Variants in HIVEP3 observed in about 807,000 individuals in gnomAD.
The protein encoded by HIVEP3 is transcription factor HIVEP3.
Under a neutral mutation model 152.8 loss-of-function variants are expected in HIVEP3, and 49 were observed. The observed-to-expected ratio is 0.32, with a 90% confidence interval of 0.26 to 0.41. The LOEUF (loss-of-function observed/expected upper bound fraction) is 0.41. HIVEP3 is among the 10% of genes least tolerant of loss of function. The pLI is 1.00. For synonymous variants in HIVEP3, 1,269 were observed against 1,289.0 expected, an observed-to-expected ratio of 0.98 and a Z score of 0.33; for missense variants, 2,790 against 3,103.3, an observed-to-expected ratio of 0.90 and a Z score of 2.40.
rs771982901 is a variant in HIVEP3, at chr1:41,581,351, C to T, written c.3447G>A (p.Gln1149=). 5.0e-6 allele frequency: 8 copies of T among 1,613,558 alleles called. No homozygotes were observed. Among genetic ancestry groups the T allele is most frequent in the Non-Finnish European group, 5.9e-6 (7 of 1,179,844 alleles). ...LPPPVSLFSF[Q]HLVQHEPGQS... Reference sequence around the variant, plus strand: ...GTCCTGGCTCATGCTGCACGAGATGCTGGAAGGAGAAAAGGGAGACTGGTG... The same window carrying T: ...GTCCTGGCTCATGCTGCACGAGATGTTGGAAGGAGAAAAGGGAGACTGGTG... Residue 1149 remains glutamine, a synonymous_variant, in exon 4 of 9, where the codon CAG becomes CAA. Coordinates refer to ENST00000372583, the MANE Select transcript of HIVEP3 (RefSeq NM_024503.5). This position sits in a 1 kb window ranked among gnomAD's most constrained non-coding sequence, Gnocchi z 4.5.
In HIVEP3 at chr1:41,583,065, T is replaced by A. The variant is rs1251881947; in HGVS notation, c.1733A>T (p.His578Leu). 6.2e-7 allele frequency: 1 copy of A among 1,613,754 alleles called. No homozygotes were observed. The highest frequency in any genetic ancestry group is 8.5e-7 in the Non-Finnish European group (1 of 1,179,852). Residue 578 changes from histidine (H) to leucine (L), a missense_variant, in exon 4 of 9, where the codon CAC (histidine) becomes CTC (leucine). His to Leu is a moderately conservative substitution (Grantham distance 99). Around this residue, in one of 9 missense-constraint regions of HIVEP3, gnomAD observed 339 missense variants for 327.0 expected, o/e 1.04. Transcript: ENST00000372583. This position sits in a 1 kb window ranked among gnomAD's most constrained non-coding sequence, Gnocchi z 6.9. ...CATCCGGGGGTGGGAGGTAAACACG[T>A]GACTGCTGTGGCTCAGGGCTTCGGA... The part of the protein sequence containing the change: ...TDSEALSHSS[H>L]VFTSHPRMLK...
At chr1:41,919,165 C>G (rs528142211), upstream of HIVEP3, among the ~76,000 whole-genome samples, 51 of 152,250 alleles carry the variant, frequency 3.3e-4, no homozygotes, top group Admixed American at 1.0e-3. Flanking sequence ...AGAAAAAATG[C>G]AAATGCAAGT....
intron 1 of HIVEP3, among the ~76,000 whole-genome samples, chr1:41,741,688 A>G (rs1260358608): frequency 6.6e-6 from 1 of 152,158 alleles, no homozygotes; most frequent in Non-Finnish European, 1.5e-5. Flanking sequence ...CTGATTTCCC[A>G]TGGGGCGTCG....
At chr1:41,760,860 G>A (rs1647625428) in intron 1 of HIVEP3, among the ~76,000 whole-genome samples, 1 of 152,138 alleles carries the variant, frequency 6.6e-6, no homozygotes, top group African/African-American at 2.4e-5. Context: ...CAGCTATCTT[G>A]GGCTCAGAAA....
intron 1 of HIVEP3, among the ~76,000 whole-genome samples, chr1:41,804,194 T>C (rs1259227972): frequency 6.6e-6 from 1 of 152,238 alleles, no homozygotes; most frequent in Non-Finnish European, 1.5e-5. Context: ...ACCTCCGATT[T>C]CTGCCTAACG....
chr1:41,647,310 T>G (rs1287641920), intron 2 of HIVEP3, among the ~76,000 whole-genome samples: 5 of 152,042 alleles, frequency 3.3e-5, no homozygotes, highest in Non-Finnish European at 5.9e-5. Flanking sequence ...TGGCCCAGGA[T>G]GAGAGAGATG....
intron 1 of HIVEP3, among the ~76,000 whole-genome samples, chr1:41,734,743 C>A (rs141305299): frequency 2.6e-4 from 40 of 152,264 alleles, no homozygotes; most frequent in African/African-American, 8.7e-4. Context: ...AGCAGCCAGC[C>A]CCGGGGCAGG....
intron 3 of HIVEP3, among the ~76,000 whole-genome samples, chr1:41,600,284 T>C (rs1644726779): frequency 6.6e-6 from 1 of 152,176 alleles, no homozygotes; most frequent in African/African-American, 2.4e-5. Context: ...CATAGCGGCA[T>C]GATTTACAAC....
chr1:41,979,097 G>A (rs1489442618), intron 1 of HIVEP3, among the ~76,000 whole-genome samples: 1 of 152,070 alleles, frequency 6.6e-6, no homozygotes, highest in Non-Finnish European at 1.5e-5. Context: ...GCAGCCCCCA[G>A]GAACTTGTTA....
At position 41,513,168 on chromosome 1, in the gene HIVEP3, C is replaced by T; in HGVS notation, c.6053G>A (p.Gly2018Glu). The change falls in exon 8 of 9, where the codon GGA becomes GAA. Residue 2018 changes from glycine (G) to glutamate (E), a missense_variant. Transcript: ENST00000372583. ...ACAAGGGAGAGCGCCCATGCCCCTT[C>T]CTGGGTCCACGTGCAGGCCAGGTGG... is the stretch of plus-strand genomic sequence containing the variant. ...PSPPGLHVDP[G>E]RGMGALPCGS... The T allele has an allele frequency of 6.2e-7, 1 of 1,613,932 alleles. No individual in the cohort carries two copies. Among genetic ancestry groups the T allele is most frequent in the Non-Finnish European group, 8.5e-7 (1 of 1,180,010 alleles).
chr1:41,686,229 G>A (rs377762515), intron 2 of HIVEP3, among the ~76,000 whole-genome samples: 1 of 151,900 alleles, frequency 6.6e-6, no homozygotes, highest in Non-Finnish European at 1.5e-5. Context: ...ACACCACCAC[G>A]CCAGGCTAAT....
intron 1 of HIVEP3, among the ~76,000 whole-genome samples, chr1:41,745,599 C>T (rs554315734): frequency 9.2e-5 from 14 of 152,314 alleles, no homozygotes; most frequent in African/African-American, 3.4e-4. Flanking sequence ...GAATTCTAAT[C>T]GTGACTTGCT....
intron 1 of HIVEP3, among the ~76,000 whole-genome samples, chr1:41,860,053 T>A (rs1369225786): frequency 6.6e-6 from 1 of 152,152 alleles, no homozygotes; most frequent in African/African-American, 2.4e-5. Context: ...CCAGCAAAGG[T>A]AGCAGGCAAA....
At chr1:41,669,098 C>A (rs1050599346) in intron 2 of HIVEP3, among the ~76,000 whole-genome samples, 1 of 152,118 alleles carries the variant, frequency 6.6e-6, no homozygotes, top group East Asian at 1.9e-4. Flanking sequence ...AGCTGTCTTC[C>A]CCAGGATTTT....
At chr1:41,836,470 A>C (rs1643125881) in intron 1 of HIVEP3, among the ~76,000 whole-genome samples, 1 of 152,202 alleles carries the variant, frequency 6.6e-6, no homozygotes, top group African/African-American at 2.4e-5. Context: ...TCACAGGGCA[A>C]CTTCCAGGAT....
intron 1 of HIVEP3, among the ~76,000 whole-genome samples, chr1:41,964,312 G>A (rs1253857516): frequency 6.6e-6 from 1 of 152,224 alleles, no homozygotes; most frequent in Non-Finnish European, 1.5e-5. Flanking sequence ...GCCACACGGG[G>A]AAAGGGGAGC....
At chr1:41,559,221 C>T (rs1473463731) in intron 5 of HIVEP3, among the ~76,000 whole-genome samples, 2 of 152,180 alleles carry the variant, frequency 1.3e-5, no homozygotes, top group South Asian at 2.1e-4. Context: ...TCCCAATGCC[C>T]TCTGTCTCTT....
At chr1:41,831,969 T>G (rs1642977034) in intron 1 of HIVEP3, among the ~76,000 whole-genome samples, 1 of 152,194 alleles carries the variant, frequency 6.6e-6, no homozygotes, top group African/African-American at 2.4e-5. Context: ...GGAGCCAGGG[T>G]TGGAATCTGG....
At chr1:41,755,684 G>A (rs1157925365) in intron 1 of HIVEP3, among the ~76,000 whole-genome samples, 2 of 150,786 alleles carry the variant, frequency 1.3e-5, no homozygotes, top group Non-Finnish European at 1.5e-5. Context: ...ACACTTCACC[G>A]AAGAGGATAT....
Sources: gnomAD v4.1 joint callset for allele counts (sites outside exome capture counted in the v4.1 genomes callset) on GRCh38, gnomAD v4.1.1 for gene constraint, gnomAD v4.1.1 regional missense constraint, Gnocchi (gnomAD v3.1) non-coding constraint, MANE v1.5 for transcripts, NCBI Gene and HGNC (gene_info 2026-07-23, HGNC 2026-07-21) for gene names.